TPRG1: variants seen among roughly 807,000 people sequenced by gnomAD.
TPRG1 encodes the protein tumor protein p63-regulated gene 1 protein.
TPRG1 carries 29 observed loss-of-function variants against 29.3 expected under a neutral mutation model. The observed-to-expected ratio is 0.99, with a 90% CI of 0.74 to 1.35. The LOEUF is 1.35. Ranked by LOEUF, TPRG1 falls within the 40% of genes most tolerant of loss-of-function variation. The pLI is 0.00. For synonymous variants in TPRG1, 130 were observed against 116.8 expected (o/e 1.11, Z -0.73); for missense variants, 327 against 335.0 (o/e 0.98, Z 0.19).
chr3:189,064,524 A>C (rs1245681722), intron 4 of TPRG1, among the ~76,000 whole-genome samples: 1 of 152,202 alleles, frequency 6.6e-6, no homozygotes, highest in Non-Finnish European at 1.5e-5. Flanking sequence ...AAAAAATAAG[A>C]AAGATTATAG....
chr3:189,287,718 C>T (rs901229071), intron 4 of TPRG1, among the ~76,000 whole-genome samples: 9 of 152,136 alleles, frequency 5.9e-5, no homozygotes, highest in East Asian at 5.8e-4. Context: ...TTAAAGATGC[C>T]GAGTTAATAT....
At position 189,324,644 on chromosome 3, in the gene TPRG1, G is replaced by A. The variant is rs1465109078; in HGVS notation, c.*3824G>A. 1.3e-5 allele frequency: 2 copies of A among 152,168 alleles called. No homozygotes were observed. The highest frequency in any genetic ancestry group is 4.8e-5 in the African/African-American group (2 of 41,444). 9.4% of individuals were successfully genotyped at this position (152,168 alleles called of 1,614,324 possible). On this transcript the variant is annotated 3_prime_UTR_variant, in exon 6 of 6. Coordinates refer to ENST00000345063, the MANE Select transcript of TPRG1 (RefSeq NM_198485.4). ...GCAGCTTCACCTCTGCTGGCATTTT[G>A]TGGGGCAGGAGAGGGGGAGGGCAAA...
At chr3:189,211,381 G>T (rs987881268) in intron 2 of TPRG1, among the ~76,000 whole-genome samples, 2 of 152,094 alleles carry the variant, frequency 1.3e-5, no homozygotes, top group Non-Finnish European at 2.9e-5. Context: ...TCAGAAAGAA[G>T]TTCAATTATA....
intron 5 of TPRG1, among the ~76,000 whole-genome samples, chr3:189,158,896 T>C (rs1023720882): frequency 6.6e-6 from 1 of 152,196 alleles, no homozygotes; most frequent in Non-Finnish European, 1.5e-5. Context: ...AAGTATCTTT[T>C]CTATCCAAAG....
intron 5 of TPRG1, among the ~76,000 whole-genome samples, chr3:189,159,862 GTGT>G (rs908329190): frequency 1.4e-5 from 2 of 140,816 alleles, no homozygotes; most frequent in African/African-American, 5.1e-5. Flanking sequence ...GTGTGTGTGT[GTGT>G]GTGGTGGTGG....
chr3:189,256,369 TCTGA>T (rs1309572640), intron 4 of TPRG1, among the ~76,000 whole-genome samples: 1 of 151,958 alleles, frequency 6.6e-6, no homozygotes, highest in East Asian at 1.9e-4. Flanking sequence ...TACACCGTGG[TCTGA>T]CTGTTATGAT....
intron 5 of TPRG1, among the ~76,000 whole-genome samples, chr3:189,152,762 A>T (rs539783345): frequency 6.6e-6 from 1 of 151,682 alleles, no homozygotes; most frequent in Non-Finnish European, 1.5e-5. Flanking sequence ...AAAAAGTAGG[A>T]TTGCTACCCT....
At chr3:189,132,165 T>C (rs1723176804) in intron 2 of TPRG1, among the ~76,000 whole-genome samples, 1 of 152,168 alleles carries the variant, frequency 6.6e-6, no homozygotes, top group Non-Finnish European at 1.5e-5. Context: ...TTCTTTGCAT[T>C]TGGAGTGAGC....
chr3:189,260,238 A>C (rs1035289189), intron 4 of TPRG1, among the ~76,000 whole-genome samples: 1 of 152,226 alleles, frequency 6.6e-6, no homozygotes, highest in African/African-American at 2.4e-5. Flanking sequence ...TAAAATGCTT[A>C]GAAGAACATT....
chr3:189,043,386 G>A (rs2152135653), intron 4 of TPRG1, among the ~76,000 whole-genome samples: 1 of 152,296 alleles, frequency 6.6e-6, no homozygotes, highest in South Asian at 2.1e-4. Context: ...GACTTTCTCT[G>A]TGACCTCGTG....
chr3:189,276,142 G>A (rs1001519399), intron 4 of TPRG1, among the ~76,000 whole-genome samples: 8 of 152,152 alleles, frequency 5.3e-5, no homozygotes, highest in African/African-American at 1.9e-4. Context: ...AAGGTAAGGA[G>A]GGTGTGAAGG....
chr3:189,223,374 G>A (rs969808472), intron 3 of TPRG1, among the ~76,000 whole-genome samples: 5 of 152,180 alleles, frequency 3.3e-5, no homozygotes, highest in African/African-American at 1.2e-4. Flanking sequence ...ATGACCTGTG[G>A]CAGGACTCTG....
intron 4 of TPRG1, among the ~76,000 whole-genome samples, chr3:189,033,791 T>C (rs1351819389): frequency 6.6e-6 from 1 of 152,048 alleles, no homozygotes; most frequent in Non-Finnish European, 1.5e-5. Flanking sequence ...TTAGCCAGGA[T>C]GGTTTTGATC....
At chr3:189,201,943 T>G (rs1733565788) in intron 1 of TPRG1, among the ~76,000 whole-genome samples, 1 of 152,054 alleles carries the variant, frequency 6.6e-6, no homozygotes, top group Non-Finnish European at 1.5e-5. Flanking sequence ...GAGCCACTGC[T>G]CGCAGCCTCA....
rs905681608 is a variant in TPRG1 at position 189,028,758 on chromosome 3, G to A, written c.-463+4812G>A. Reference sequence around the variant, plus strand: ...TGTATGGTAAGGCCAATAAATAGTAGTTAGCATGGTCATTTGTCTCTGTAA... The same window carrying A: ...TGTATGGTAAGGCCAATAAATAGTAATTAGCATGGTCATTTGTCTCTGTAA... On this transcript the variant is annotated intron_variant, in intron 4 of 10. Transcript: ENST00000433971. Among the ~76,000 whole-genome samples the A allele has an allele frequency of 1.3e-4, 20 of 152,182 alleles. 1 individual carries two copies. Among genetic ancestry groups the A allele is most frequent in the African/African-American group, 4.8e-4 (20 of 41,430 alleles).
chr3:189,066,298 A>T (rs1716440885), intron 4 of TPRG1, among the ~76,000 whole-genome samples: 1 of 152,142 alleles, frequency 6.6e-6, no homozygotes, highest in African/African-American at 2.4e-5. Context: ...GGATAAGAGA[A>T]TATTTCCAAA....
chr3:189,087,919 A>G (rs1464023092), intron 4 of TPRG1, among the ~76,000 whole-genome samples: 1 of 152,140 alleles, frequency 6.6e-6, no homozygotes, highest in African/African-American at 2.4e-5. Flanking sequence ...GCCTTGTAGT[A>G]TAGTTTGAAG....
intron 2 of TPRG1, among the ~76,000 whole-genome samples, chr3:189,131,549 C>G (rs1045364883): frequency 6.6e-6 from 1 of 152,154 alleles, no homozygotes; most frequent in Admixed American, 6.5e-5. Context: ...TTACTGAGCA[C>G]TTTCTGATCA....
At chr3:189,268,232 T>C (rs536912127) in intron 4 of TPRG1, among the ~76,000 whole-genome samples, 1 of 152,260 alleles carries the variant, frequency 6.6e-6, no homozygotes, top group East Asian at 1.9e-4. Flanking sequence ...GTGCCAAGAA[T>C]GCCCGGGGTT....
Sources: allele counts gnomAD v4.1 joint callset (sites outside exome capture counted in the v4.1 genomes callset), GRCh38; gene constraint gnomAD v4.1.1; transcripts MANE v1.5; gene names NCBI Gene and HGNC (gene_info 2026-07-23, HGNC 2026-07-21).